The following PCDH11X variants were observed in gnomAD, a reference collection of about 807,000 sequenced individuals.
PCDH11X encodes protocadherin 11 X-linked, also known as protocadherin-11 X-linked.
Under a neutral mutation model 53.3 loss-of-function variants are expected in PCDH11X, and 18 were observed. That is an observed-to-expected ratio of 0.34 (90% CI 0.23 to 0.50). The LOEUF is 0.50. Among genes scored for constraint, PCDH11X ranks in the 20% least tolerant of loss-of-function variants. The pLI, the probability that PCDH11X is intolerant of heterozygous loss-of-function variation, is 0.98. For synonymous variants in PCDH11X, 279 were observed against 393.3 expected, an observed-to-expected ratio of 0.71 and a Z score of 3.44; for missense variants, 570 against 1,032.4, an observed-to-expected ratio of 0.55 and a Z score of 6.14.
intron 6 of PCDH11X, among the ~76,000 whole-genome samples, chrX:91,906,068 G>A (rs1438998111): frequency 9.1e-6 from 1 of 110,228 alleles, no homozygotes; most frequent in Admixed American, 9.8e-5. Context: ...TACGTTTGAG[G>A]ATCATATTTA....
chrX:92,026,607 G>A (rs2062973738), intron 6 of PCDH11X, among the ~76,000 whole-genome samples: 1 of 96,240 alleles, frequency 1.0e-5, no homozygotes, highest in African/African-American at 4.1e-5. Flanking sequence ...TTTGGAGGAA[G>A]AATAATTTTC....
chrX:91,947,979 G>C (rs1291577352), intron 6 of PCDH11X, among the ~76,000 whole-genome samples: 1 of 98,953 alleles, frequency 1.0e-5, no homozygotes, highest in Non-Finnish European at 2.1e-5. Context: ...CCTAATCTAG[G>C]CTCCTGAGAC....
chrX:92,389,651 G>C (rs35906419), intron 9 of PCDH11X, among the ~76,000 whole-genome samples: 3 of 110,763 alleles, frequency 2.7e-5, no homozygotes, highest in Non-Finnish European at 5.7e-5. Context: ...AGGAGAATTG[G>C]TATGTGTCAG....
chrX:92,089,965 A>G (rs939235479), intron 6 of PCDH11X, among the ~76,000 whole-genome samples: 1 of 105,716 alleles, frequency 9.5e-6, no homozygotes, highest in African/African-American at 3.4e-5. Context: ...ATCTTTTGCA[A>G]TGTGGTCCCA....
intron 7 of PCDH11X, 120 bp from the exon 8 acceptor site, chrX:92,262,994 G>C: frequency 9.4e-7 from 1 of 1,065,413 alleles, no homozygotes; most frequent in Non-Finnish European, 1.2e-6. Flanking sequence ...CACTGGGAAT[G>C]TTGACATGCT....
At chrX:91,953,703 T>A (rs1483322344) in intron 6 of PCDH11X, among the ~76,000 whole-genome samples, 1 of 110,030 alleles carries the variant, frequency 9.1e-6, no homozygotes, top group Non-Finnish European at 1.9e-5. Flanking sequence ...AGATCTTTAT[T>A]ATACATTGTT....
chrX:92,472,660 A>G (rs1439430768), intron 10 of PCDH11X, among the ~76,000 whole-genome samples: 12 of 110,621 alleles, frequency 1.1e-4, no homozygotes, highest in African/African-American at 3.3e-4. Flanking sequence ...TCTGTAAAGA[A>G]TGTCATTGAT....
At chrX:91,818,535 T>TA (rs60052708) in intron 4 of PCDH11X, among the ~76,000 whole-genome samples, 38 of 100,493 alleles carry the variant, frequency 3.8e-4, no homozygotes, top group South Asian at 1.8e-3. Context: ...CCATCTCTAC[T>TA]AAAAAAAAAA....
intron 8 of PCDH11X, among the ~76,000 whole-genome samples, chrX:92,301,779 C>T (rs1045320289): frequency 1.2e-4 from 13 of 109,838 alleles, no homozygotes; most frequent in Non-Finnish European, 2.1e-4. Context: ...ATCATGGCCT[C>T]GTACAATGAA....
chrX:92,171,513 G>A (rs903564404), intron 6 of PCDH11X, among the ~76,000 whole-genome samples: 5 of 111,117 alleles, frequency 4.5e-5, no homozygotes, highest in African/African-American at 1.6e-4. Flanking sequence ...AGGCTGGCGT[G>A]CAGTAGTGTG....
At chrX:91,985,100 C>G (rs62605289) in intron 6 of PCDH11X, among the ~76,000 whole-genome samples, 35,776 of 111,136 alleles carry the variant, frequency 0.32, 4,517 homozygotes, top group African/African-American at 0.47. Context: ...ACACATAAAG[C>G]AGTGTTGCTA....
intron 1 of PCDH11X, among the ~76,000 whole-genome samples, chrX:91,797,876 T>G (rs1238068095): frequency 8.9e-6 from 1 of 111,859 alleles, no homozygotes; most frequent in African/African-American, 3.2e-5. Context: ...ATATCTTCTC[T>G]TGGATTTATT....
intron 7 of PCDH11X, among the ~76,000 whole-genome samples, chrX:92,241,858 G>A (rs1458261124): frequency 3.6e-5 from 4 of 111,624 alleles, no homozygotes; most frequent in Non-Finnish European, 5.6e-5. Context: ...TGTTGTCTAA[G>A]ATCTTGCAAA....
chrX:92,453,476 G>A (rs6619035), intron 9 of PCDH11X, among the ~76,000 whole-genome samples: 2,000 of 111,021 alleles, frequency 0.018, 47 homozygotes, highest in African/African-American at 0.063. Flanking sequence ...AATTCTGTCA[G>A]TTGTCTTTCT....
intron 10 of PCDH11X, among the ~76,000 whole-genome samples, chrX:92,575,810 C>T (rs1250623645): frequency 3.0e-5 from 3 of 101,399 alleles, no homozygotes; most frequent in Non-Finnish European, 6.0e-5. Flanking sequence ...CTTGACTCAT[C>T]ATTTCAACAT....
In PCDH11X at chrX:92,390,889, G is replaced by A. The variant is rs750318025; in HGVS notation, c.3343+2956G>A. Reference sequence around the variant, plus strand: ...GTTGATAAAAATCTGCTGCTTAGGTGAAGAAATCACACAATTCATTCTCTT... The same window carrying A: ...GTTGATAAAAATCTGCTGCTTAGGTAAAGAAATCACACAATTCATTCTCTT... On this transcript the variant is annotated intron_variant, in intron 9 of 10. Transcript: ENST00000682573. Among the ~76,000 whole-genome samples, 202 of 104,439 alleles carry A rather than the reference G, an allele frequency of 1.9e-3. 1 individual carries two copies. The highest frequency in any genetic ancestry group is 7.0e-3 in the African/African-American group (201 of 28,821). The allele number at this position is 104,439 out of a possible 115,157, so 90.7% of individuals were successfully genotyped here. A position where few individuals can be genotyped will look rare whatever the true frequency, so the allele number is the denominator to read the frequency against.
At chrX:91,981,686 G>A (rs1275293164) in intron 6 of PCDH11X, among the ~76,000 whole-genome samples, 1 of 110,428 alleles carries the variant, frequency 9.1e-6, no homozygotes, top group African/African-American at 3.3e-5. Context: ...GGCTGGGGAA[G>A]CCTCACAATC....
intron 10 of PCDH11X, among the ~76,000 whole-genome samples, chrX:92,577,362 G>A (rs1162642082): frequency 9.2e-6 from 1 of 109,098 alleles, no homozygotes; most frequent in African/African-American, 3.3e-5. Context: ...TCTGATGGTT[G>A]TTTGTATTTC....
At position 92,402,470 on chromosome X, in the gene PCDH11X, A is replaced by G. The variant is rs769698544; in HGVS notation, c.3343+14537A>G. Among the ~76,000 whole-genome samples the G allele has an allele frequency of 8.1e-5, 9 of 111,434 alleles. No individual in the cohort carries two copies. The South Asian group carries it at 3.4e-3, about 42-fold the overall frequency. On this transcript the variant is annotated intron_variant, in intron 9 of 10. Coordinates refer to ENST00000682573, the MANE Select transcript of PCDH11X (RefSeq NM_032968.5). ...CAGTGGAACCGAATAGAGAGCCTAGAAGTAAGGCCACACACATACAATCAT... is the reference window on the plus strand; with the variant it reads ...CAGTGGAACCGAATAGAGAGCCTAGGAGTAAGGCCACACACATACAATCAT...
Sources: allele counts gnomAD v4.1 joint callset (sites outside exome capture counted in the v4.1 genomes callset), GRCh38; gene constraint gnomAD v4.1.1; transcripts MANE v1.5; gene names NCBI Gene and HGNC (gene_info 2026-07-23, HGNC 2026-07-21).